RNF180: variants seen among roughly 807,000 people sequenced by gnomAD.
RNF180 encodes ring finger protein 180, also known as E3 ubiquitin-protein ligase RNF180.
A neutral mutation model predicts 59.2 loss-of-function variants in RNF180; 38 were observed. The observed-to-expected ratio is 0.64, with a 90% confidence interval of 0.50 to 0.84. The LOEUF (loss-of-function observed/expected upper bound fraction) is 0.84. Among genes scored for constraint, RNF180 ranks in the 40% least tolerant of loss-of-function variants. The pLI is 0.00. For missense variants in RNF180, 705 were observed against 700.9 expected (o/e 1.01, Z -0.07); for synonymous variants, 262 against 240.3 (o/e 1.09, Z -0.84).
chr5:64,219,245 C>A (rs887971279), intron 5 of RNF180, among the ~76,000 whole-genome samples: 1 of 151,886 alleles, frequency 6.6e-6, no homozygotes, highest in African/African-American at 2.4e-5. Flanking sequence ...CATGTGTTTT[C>A]AATGTTAATA....
chr5:64,346,932 A>G (rs1745581886), intron 7 of RNF180, among the ~76,000 whole-genome samples: 1 of 152,162 alleles, frequency 6.6e-6, no homozygotes, highest in South Asian at 2.1e-4. Flanking sequence ...TTATTCTCTG[A>G]CTTGTTTATT....
chr5:64,268,028 C>G (rs1453945285), intron 5 of RNF180, among the ~76,000 whole-genome samples: 1 of 152,150 alleles, frequency 6.6e-6, no homozygotes, highest in Non-Finnish European at 1.5e-5. Context: ...TCTCCCCTTG[C>G]ATTTTATCCA....
At chr5:64,309,204 A>C (rs1187548441) in intron 5 of RNF180, among the ~76,000 whole-genome samples, 1 of 151,896 alleles carries the variant, frequency 6.6e-6, no homozygotes, top group East Asian at 1.9e-4. Context: ...CCTGAAAGTT[A>C]AAAGAGCAGT....
intron 1 of RNF180, among the ~76,000 whole-genome samples, chr5:64,173,630 T>G: frequency 6.6e-6 from 1 of 150,776 alleles, no homozygotes; most frequent in African/African-American, 2.4e-5. Flanking sequence ...CTCCTTTCCC[T>G]TTCCCCTTTC....
chr5:64,184,864 C>G (rs1292047924), intron 1 of RNF180, among the ~76,000 whole-genome samples: 1 of 152,130 alleles, frequency 6.6e-6, no homozygotes, highest in Non-Finnish European at 1.5e-5. Flanking sequence ...TTTAGGTAAA[C>G]CCAGGGCTGA....
chr5:64,243,019 G>A (rs552273860), intron 5 of RNF180, among the ~76,000 whole-genome samples: 19 of 152,284 alleles, frequency 1.2e-4, no homozygotes, highest in African/African-American at 3.4e-4. Context: ...CAAGGGAAGC[G>A]TGAGGGACTG....
rs907347449 is a variant in RNF180, at chr5:64,371,724, A to G, written c.*1910A>G. On this transcript the variant is annotated 3_prime_UTR_variant, in exon 8 of 8. Coordinates refer to ENST00000389100, the MANE Select transcript of RNF180 (RefSeq NM_001113561.2). ...TAACTTGATCTGAAAATTATAGAAT[A>G]TTAAAAGAAGTAAATTCATAAAATT... 1 of 151,682 alleles carries G rather than the reference A, an allele frequency of 6.6e-6. No homozygotes were observed. Among genetic ancestry groups the G allele is most frequent in the African/African-American group, 2.4e-5 (1 of 41,430 alleles). 9.4% of individuals were successfully genotyped at this position (151,682 alleles called of 1,614,324 possible). A position where few individuals can be genotyped will look rare whatever the true frequency, so the allele number is the denominator to read the frequency against.
intron 5 of RNF180, among the ~76,000 whole-genome samples, chr5:64,276,281 G>A (rs116739424): frequency 2.0e-3 from 296 of 150,700 alleles, no homozygotes; most frequent in Non-Finnish European, 3.5e-3. Context: ...GGAGAGGAAG[G>A]GTCATGGATA....
chr5:64,203,695 G>T (rs1180778501), intron 2 of RNF180, among the ~76,000 whole-genome samples: 1 of 151,912 alleles, frequency 6.6e-6, no homozygotes, highest in East Asian at 1.9e-4. Context: ...AAAATGAAGG[G>T]ATAATTCAAT....
intron 5 of RNF180, among the ~76,000 whole-genome samples, chr5:64,259,728 G>A (rs1272001373): frequency 1.3e-5 from 2 of 152,062 alleles, no homozygotes; most frequent in African/African-American, 4.8e-5. Context: ...TTCGAAACCA[G>A]CCCGACCAAC....
chr5:64,355,027 CTT>C (rs1745962715), intron 7 of RNF180, among the ~76,000 whole-genome samples: 1 of 151,868 alleles, frequency 6.6e-6, no homozygotes, highest in African/African-American at 2.4e-5. Flanking sequence ...AGGATGTCCA[CTT>C]TAACCACTGC....
At chr5:64,289,173 G>T (rs1742443019) in intron 5 of RNF180, among the ~76,000 whole-genome samples, 1 of 152,144 alleles carries the variant, frequency 6.6e-6, no homozygotes, top group Non-Finnish European at 1.5e-5. Flanking sequence ...CTTTAGTTCT[G>T]GTTATGTGAG....
intron 7 of RNF180, among the ~76,000 whole-genome samples, chr5:64,361,213 C>T (rs922271017): frequency 1.3e-5 from 2 of 151,320 alleles, no homozygotes; most frequent in Non-Finnish European, 3.0e-5. Context: ...TCCTTTTTAG[C>T]ATATGGATTA....
chr5:64,193,492 T>G, intron 1 of RNF180, among the ~76,000 whole-genome samples: 1 of 152,162 alleles, frequency 6.6e-6, no homozygotes, highest in Middle Eastern at 3.2e-3. Context: ...TCAGTCCATA[T>G]AAAGGATAGC....
chr5:64,190,839 TC>T, intron 1 of RNF180, among the ~76,000 whole-genome samples: 1 of 152,226 alleles, frequency 6.6e-6, no homozygotes, highest in Non-Finnish European at 1.5e-5. Flanking sequence ...CCTACCAACA[TC>T]TTAATTTTGA....
At chr5:64,349,001 C>T (rs1745672146) in intron 7 of RNF180, among the ~76,000 whole-genome samples, 1 of 152,020 alleles carries the variant, frequency 6.6e-6, no homozygotes, top group East Asian at 1.9e-4. Flanking sequence ...TCATTTTCTC[C>T]TTAATTCCTT....
chr5:64,354,289 C>T (rs1745931206), intron 7 of RNF180, among the ~76,000 whole-genome samples: 3 of 151,588 alleles, frequency 2.0e-5, no homozygotes, highest in African/African-American at 7.3e-5. Context: ...ACCACTTTTA[C>T]AGAAATAAGG....
chr5:64,306,190 A>C (rs1743444098), intron 5 of RNF180, among the ~76,000 whole-genome samples: 1 of 151,764 alleles, frequency 6.6e-6, no homozygotes, highest in African/African-American at 2.4e-5. Flanking sequence ...CAATTGCATA[A>C]GAATTGTTTT....
intron 5 of RNF180, among the ~76,000 whole-genome samples, chr5:64,314,027 C>G (rs1054946426): frequency 5.9e-5 from 9 of 151,950 alleles, no homozygotes; most frequent in Admixed American, 5.3e-4. Context: ...ACTTAAGTTC[C>G]TTATAGAGTC....
Sources: gnomAD v4.1 joint callset for allele counts (sites outside exome capture counted in the v4.1 genomes callset) on GRCh38, gnomAD v4.1.1 for gene constraint, MANE v1.5 for transcripts, NCBI Gene and HGNC (gene_info 2026-07-23, HGNC 2026-07-21) for gene names.